PAQR5: variants seen among roughly 807,000 people sequenced by gnomAD.
The protein encoded by PAQR5 is progestin and adipoQ receptor family member 5, also known as membrane progestin receptor gamma.
PAQR5 carries 20 observed loss-of-function variants against 34.5 expected under a neutral mutation model. That is an observed-to-expected ratio of 0.58 (90% CI 0.41 to 0.84). PAQR5 has a LOEUF of 0.84. Ranked by LOEUF, PAQR5 falls within the 40% of genes least tolerant of loss-of-function variation. PAQR5 has a pLI of 0.00. For missense variants in PAQR5, 378 were observed against 412.7 expected (o/e 0.92, Z 0.73); for synonymous variants, 131 against 155.6 (o/e 0.84, Z 1.18).
At chr15:69,387,272 G>A (rs1253215954) in intron 5 of PAQR5, among the ~76,000 whole-genome samples, 1 of 152,186 alleles carries the variant, frequency 6.6e-6, no homozygotes, top group Non-Finnish European at 1.5e-5. Context: ...CATTTCTGGA[G>A]TAATCGCTGC....
At chr15:69,322,423 C>T (rs1028732282) in intron 1 of PAQR5, among the ~76,000 whole-genome samples, 2 of 148,842 alleles carry the variant, frequency 1.3e-5, no homozygotes, top group Non-Finnish European at 2.9e-5. Context: ...GAGCCGAGAT[C>T]GCACCACTGC....
Position 69,389,720 on chromosome 15 carries a change from A to C in PAQR5, c.452A>C (p.Tyr151Ser). 1 of 1,614,098 alleles carries C rather than the reference A, an allele frequency of 6.2e-7. No homozygotes were observed. The highest frequency in any genetic ancestry group is 8.5e-7 in the Non-Finnish European group (1 of 1,180,002). The change falls in exon 6 of 9, where the codon TAC becomes TCC. Residue 151 changes from tyrosine (Y) to serine (S), a missense_variant. By Grantham distance (144) the Tyr-to-Ser change is moderately radical. Transcript: ENST00000395407. Reference protein sequence around the residue: ...DALMCTTFHDYYVALAVLNTI... With the variant: ...DALMCTTFHDSYVALAVLNTI... ...CTCATGTGCACCACTTTCCATGACT[A>C]CTACGTGGCCCTGGCTGTACTGAAC...
At chr15:69,362,656 G>T (rs558620326) in intron 3 of PAQR5, among the ~76,000 whole-genome samples, 1 of 152,262 alleles carries the variant, frequency 6.6e-6, no homozygotes, top group Admixed American at 6.5e-5. Flanking sequence ...GCCTCCTGGG[G>T]TTGTGAGAAT....
chr15:69,336,849 T>C (rs1220408683), intron 1 of PAQR5, among the ~76,000 whole-genome samples: 1 of 152,236 alleles, frequency 6.6e-6, no homozygotes, highest in Non-Finnish European at 1.5e-5. Flanking sequence ...TAGTGTACAT[T>C]ATTAATAATT....
In PAQR5 at chr15:69,390,367, T is replaced by TTTTTTA. The variant is rs60267549; in HGVS notation, c.512+587_512+588insTTTTTA. 1.5e-4 allele frequency among the ~76,000 whole-genome samples: 23 copies of TTTTTTA among 149,628 alleles called. 1 individual carries two copies. Among genetic ancestry groups the TTTTTTA allele is most frequent in the Non-Finnish European group, 2.2e-4 (15 of 67,176 alleles). On this transcript the variant is annotated intron_variant, in intron 6 of 8. Transcript: ENST00000395407. Reference sequence around the variant, plus strand: ...TTATTTATTTATTTATTTATTTTTTTGAGACAGGGTCTCTCTCTGTGGCCC... The same window carrying TTTTTTA: ...TTATTTATTTATTTATTTATTTTTTTTTTTTAGAGACAGGGTCTCTCTCTGTGGCCC...
chr15:69,302,092 G>A (rs2053619406), intron 1 of PAQR5, among the ~76,000 whole-genome samples: 1 of 151,670 alleles, frequency 6.6e-6, no homozygotes, highest in African/African-American at 2.4e-5. Flanking sequence ...TTGAGACAGG[G>A]TGTTGCTCTG....
chr15:69,339,114 T>C (rs1431829663), intron 2 of PAQR5, among the ~76,000 whole-genome samples: 2 of 149,246 alleles, frequency 1.3e-5, no homozygotes, highest in African/African-American at 2.5e-5. Flanking sequence ...AGAAGACAGG[T>C]TCGACTCCCT....
At chr15:69,370,118 G>T (rs781391374) in intron 3 of PAQR5, among the ~76,000 whole-genome samples, 11 of 152,190 alleles carry the variant, frequency 7.2e-5, no homozygotes, top group Non-Finnish European at 1.3e-4. Context: ...GAACTGGAGT[G>T]CCCCAGCCAT....
At chr15:69,311,252 T>C (rs949653556) in intron 1 of PAQR5, among the ~76,000 whole-genome samples, 1 of 151,764 alleles carries the variant, frequency 6.6e-6, no homozygotes, top group African/African-American at 2.4e-5. Flanking sequence ...ATTGGATGGC[T>C]ACACGTTGAA....
intron 4 of PAQR5, among the ~76,000 whole-genome samples, chr15:69,380,905 T>G (rs976994445): frequency 6.6e-6 from 1 of 152,052 alleles, no homozygotes; most frequent in Non-Finnish European, 1.5e-5. Flanking sequence ...ATGAGGAGTG[T>G]GCCATGAGTG....
At chr15:69,328,471 C>G (rs577683089) in intron 1 of PAQR5, among the ~76,000 whole-genome samples, 19 of 152,292 alleles carry the variant, frequency 1.2e-4, no homozygotes, top group Admixed American at 5.2e-4. Context: ...AGGAGGGCAG[C>G]AGGAGAGGAG....
Position 69,391,040 on chromosome 15 carries a change from G to A in PAQR5, c.512+1260G>A, listed in dbSNP as rs1293338753. ...GCCAAGGCTGGTACTTTTGGGCTGG[G>A]GGCCTTTCGTGCTGGTCAGGAAAGG... On this transcript the variant is annotated intron_variant, in intron 6 of 8. Transcript: ENST00000395407. 2.0e-5 allele frequency among the ~76,000 whole-genome samples: 3 copies of A among 152,144 alleles called. No homozygotes were observed. In the East Asian group the frequency reaches 5.8e-4, roughly 29 times the overall value.
chr15:69,365,256 G>A (rs1354046639), intron 3 of PAQR5, among the ~76,000 whole-genome samples: 1 of 151,902 alleles, frequency 6.6e-6, no homozygotes. Context: ...ACAGGCAAGT[G>A]CCACCATCCC....
At chr15:69,353,216 G>C (rs13329079) in intron 2 of PAQR5, among the ~76,000 whole-genome samples, 7,018 of 152,252 alleles carry the variant, frequency 0.046, 533 homozygotes, top group African/African-American at 0.16. Flanking sequence ...TACCTGGGGC[G>C]ATCAGCCAGC....
intron 2 of PAQR5, among the ~76,000 whole-genome samples, chr15:69,341,666 C>G (rs1016472523): frequency 6.6e-6 from 1 of 151,960 alleles, no homozygotes; most frequent in Non-Finnish European, 1.5e-5. Flanking sequence ...TTAGAAATAC[C>G]TGCTTCAGGC....
chr15:69,387,456 T>C (rs1002484471), intron 5 of PAQR5, among the ~76,000 whole-genome samples: 10 of 152,244 alleles, frequency 6.6e-5, no homozygotes, highest in African/African-American at 1.9e-4. Flanking sequence ...ATGGATGTAA[T>C]ATCTTCTTTG....
Position 69,384,712 on chromosome 15 carries a change from T to A in PAQR5, c.215T>A (p.Met72Lys). 6.2e-7 allele frequency: 1 copy of A among 1,614,094 alleles called. No homozygotes were observed. Among genetic ancestry groups the A allele is most frequent in the Non-Finnish European group, 8.5e-7 (1 of 1,179,964 alleles). Reference sequence around the variant, plus strand: ...TGGAGGTTTGTGACTGCACTGTATATGACAGACATCAAGAATGACAGCTAC... The same window carrying A: ...TGGAGGTTTGTGACTGCACTGTATAAGACAGACATCAAGAATGACAGCTAC... ...FAWRFVTALY[M>K]TDIKNDSYSW... The change falls in exon 5 of 9, where the codon ATG becomes AAG. Residue 72 changes from methionine to lysine, a missense_variant. Physicochemically the swap from Met to Lys is moderately conservative, Grantham distance 95 (BLOSUM62 -1). Coordinates refer to ENST00000395407, the MANE Select transcript of PAQR5 (RefSeq NM_017705.4).
intron 4 of PAQR5, among the ~76,000 whole-genome samples, chr15:69,383,981 T>C (rs2140935364): frequency 1.1e-5 from 1 of 93,356 alleles, no homozygotes; most frequent in African/African-American, 4.5e-5. Context: ...GTGTTCATCG[T>C]GGAGGGTGAG....
chr15:69,349,746 A>G (rs2054864147), intron 2 of PAQR5, among the ~76,000 whole-genome samples: 2 of 151,678 alleles, frequency 1.3e-5, no homozygotes. Context: ...GGTTCAAGCC[A>G]TTCTCCTGCC....
Sources: gnomAD v4.1 joint callset for allele counts (sites outside exome capture counted in the v4.1 genomes callset) on GRCh38, gnomAD v4.1.1 for gene constraint, MANE v1.5 for transcripts, NCBI Gene and HGNC (gene_info 2026-07-23, HGNC 2026-07-21) for gene names.